Variants in COL4A6 observed in about 807,000 individuals in gnomAD.
COL4A6 encodes collagen alpha-6(IV) chain.
In COL4A6, 59 loss-of-function variants were observed where a neutral mutation model predicts 126.7. The observed-to-expected ratio is 0.47, with a 90% confidence interval of 0.38 to 0.58. The LOEUF (loss-of-function observed/expected upper bound fraction) is 0.58. Among genes scored for constraint, COL4A6 ranks in the 20% least tolerant of loss-of-function variants. COL4A6 has a pLI of 0.00. For missense variants in COL4A6, 1,285 were observed against 1,337.3 expected (o/e 0.96, Z 0.61); for synonymous variants, 547 against 496.6 (o/e 1.10, Z -1.35).
At chrX:108,178,935 C>T (rs1156424983) in intron 26 of COL4A6, 90 bp from the exon 27 acceptor site, 1 of 994,561 alleles carries the variant, frequency 1.0e-6, no homozygotes, top group African/African-American at 1.9e-5. Flanking sequence ...TCCCAGGTGC[C>T]ACTGTCTTCT....
chrX:108,344,898 T>C (rs2039671720), intron 2 of COL4A6, among the ~76,000 whole-genome samples: 1 of 112,171 alleles, frequency 8.9e-6, no homozygotes, highest in African/African-American at 3.2e-5. Context: ...TTCCATTTTA[T>C]ATAGAAATTA....
At chrX:108,257,655 C>T (rs2037041850) in intron 3 of COL4A6, among the ~76,000 whole-genome samples, 1 of 111,026 alleles carries the variant, frequency 9.0e-6, no homozygotes, top group Admixed American at 9.6e-5. Flanking sequence ...GCCCTGTGGT[C>T]GGATAAGTCA....
At chrX:108,378,623 G>A (rs952016764) in intron 2 of COL4A6, among the ~76,000 whole-genome samples, 3 of 112,175 alleles carry the variant, frequency 2.7e-5, no homozygotes, top group Non-Finnish European at 5.6e-5. Flanking sequence ...ATGAAATACG[G>A]GTAGGATTCT....
Position 108,409,621 on chromosome X carries a change from C to T in COL4A6, c.63+28321G>A, listed in dbSNP as rs913313774. Among the ~76,000 whole-genome samples, 25 of 111,579 alleles carry T rather than the reference C, an allele frequency of 2.2e-4. 1 individual carries two copies. Among genetic ancestry groups the T allele is most frequent in the African/African-American group, 7.8e-4 (24 of 30,710 alleles). On this transcript the variant is annotated intron_variant, in intron 2 of 44. Coordinates refer to ENST00000334504, the MANE Select transcript of COL4A6 (RefSeq NM_033641.4). Reference sequence around the variant, plus strand: ...TCAGTCTAACATTACCTGCTGTGCTCCTAACAACTATGGCCAAGAGCAACC... The same window carrying T: ...TCAGTCTAACATTACCTGCTGTGCTTCTAACAACTATGGCCAAGAGCAACC...
Position 108,174,571 on chromosome X carries a change from G to C in COL4A6, c.3007C>G (p.Pro1003Ala), listed in dbSNP as rs769940629. 5.0e-6 allele frequency: 6 copies of C among 1,202,827 alleles called. No homozygotes were observed. The highest frequency in any genetic ancestry group is 6.7e-6 in the Non-Finnish European group (6 of 892,489). ...CCTTTGATAATGCCTGGGAGGCCAG[G>C]AGCTCCAGGTAGGCCTGGTGGTCCA... is the stretch of plus-strand genomic sequence containing the variant. ...RPGPPGLPGA[P>A]GLPGIIKGVS... Residue 1003 changes from proline (P) to alanine (A), a missense_variant, in exon 31 of 45, where the codon CCT becomes GCT. Physicochemically the swap from Pro to Ala is conservative, Grantham distance 27 (BLOSUM62 -1). Coordinates refer to ENST00000334504, the MANE Select transcript of COL4A6 (RefSeq NM_033641.4).
chrX:108,174,406 T>C (rs747094956), intron 31 of COL4A6, 34 bp downstream of exon 31: 11 of 1,198,269 alleles, frequency 9.2e-6, no homozygotes, highest in Middle Eastern at 4.6e-4. Context: ...GGGGGCCTTT[T>C]CTGGTATAAA....
chrX:108,396,683 G>A (rs2040971838), intron 2 of COL4A6, among the ~76,000 whole-genome samples: 1 of 111,500 alleles, frequency 9.0e-6, no homozygotes. Flanking sequence ...CAAAAGTAAC[G>A]CAAGTCATGA....
At chrX:108,367,354 C>T (rs983698666) in intron 2 of COL4A6, among the ~76,000 whole-genome samples, 1 of 111,415 alleles carries the variant, frequency 9.0e-6, no homozygotes, top group African/African-American at 3.3e-5. Context: ...AGTAGGTGCT[C>T]AGTAAATGGT....
chrX:108,420,705 C>T (rs989606094), intron 2 of COL4A6, among the ~76,000 whole-genome samples: 4 of 111,851 alleles, frequency 3.6e-5, no homozygotes. Flanking sequence ...GACAGGGCAG[C>T]CTCAGGGGAC....
intron 3 of COL4A6, among the ~76,000 whole-genome samples, chrX:108,223,788 G>A (rs1602857648): frequency 9.0e-6 from 1 of 111,636 alleles, no homozygotes; most frequent in Non-Finnish European, 1.9e-5. Context: ...CTGGGACAAG[G>A]GAGGCAGATA....
chrX:108,159,612 G>T lies in COL4A6; in HGVS notation c.4662C>A (p.Pro1554=). The change falls in exon 44 of 45, where the codon CCC becomes CCA. Residue 1554 remains proline (P), a synonymous_variant. Transcript: ENST00000334504. ...ACTGGGGAATCTGGGTCTGGCTGAC[G>T]GGCATCATGGGGATAGGGGCGGTAG... ...LSTTAPIPMM[P]VSQTQIPQYI... is the part of the protein sequence containing the mutation. The T allele has an allele frequency of 8.2e-7, 1 of 1,212,290 alleles. No homozygotes were observed. The highest frequency in any genetic ancestry group is 1.1e-6 in the Non-Finnish European group (1 of 895,619).
At chrX:108,294,861 T>TAA (rs1357553225) in intron 3 of COL4A6, among the ~76,000 whole-genome samples, 1 of 111,800 alleles carries the variant, frequency 8.9e-6, no homozygotes, top group African/African-American at 3.3e-5. Context: ...GTGAATATAC[T>TAA]AAAAAGCACT....
chrX:108,351,323 A>G lies in COL4A6; in HGVS notation c.64-40495T>C, dbSNP rs530365845. Among the ~76,000 whole-genome samples, 96 of 111,397 alleles carry G rather than the reference A, an allele frequency of 8.6e-4. 2 individuals are homozygous for G. In the South Asian group the frequency reaches 0.023, roughly 27 times the overall value. Reference sequence around the variant, plus strand: ...TTGTTTCTTCTTTATACTTGTCTGCATTTTCTGATTTGAAAATAAATCATT... The same window carrying G: ...TTGTTTCTTCTTTATACTTGTCTGCGTTTTCTGATTTGAAAATAAATCATT... On this transcript the variant is annotated intron_variant, in intron 2 of 44. Transcript: ENST00000334504.
chrX:108,233,340 C>A, intron 3 of COL4A6, among the ~76,000 whole-genome samples: 1 of 111,720 alleles, frequency 9.0e-6, no homozygotes, highest in East Asian at 2.8e-4. Flanking sequence ...TGGTCCAATA[C>A]TGAGCTGGTG....
At chrX:108,279,064 C>G (rs2037713798) in intron 3 of COL4A6, among the ~76,000 whole-genome samples, 1 of 111,925 alleles carries the variant, frequency 8.9e-6, no homozygotes, top group Non-Finnish European at 1.9e-5. Context: ...ACCATCGAGG[C>G]TAGGAAGAAA....
At position 108,178,851 on chromosome X, in the gene COL4A6, A is replaced by G; in HGVS notation, c.2354-6T>C. On this transcript the variant is annotated splice_region_variant and splice_polypyrimidine_tract_variant and intron_variant, in intron 26 of 44. Transcript: ENST00000334504. ...GCCAGGCTTCCCGTGCACACCTGAT[A>G]AAAGAAAAGGGCAAATGATCACAGC... The G allele has an allele frequency of 8.3e-7, 1 of 1,203,473 alleles. No individual in the cohort carries two copies. The highest frequency in any genetic ancestry group is 3.0e-5 in the East Asian group (1 of 33,698).
At chrX:108,162,621 C>T (rs2033995899) in intron 41 of COL4A6, among the ~76,000 whole-genome samples, 1 of 111,244 alleles carries the variant, frequency 9.0e-6, no homozygotes. Context: ...CACACTCCCT[C>T]CATCTCTCTG....
At chrX:108,435,536 C>T (rs113407040) in intron 2 of COL4A6, among the ~76,000 whole-genome samples, 136 of 111,594 alleles carry the variant, frequency 1.2e-3, no homozygotes, top group African/African-American at 3.9e-3. Context: ...GATAGTTAGG[C>T]GCCTAACAGC....
intron 2 of COL4A6, among the ~76,000 whole-genome samples, chrX:108,372,168 T>C (rs1024028307): frequency 8.1e-5 from 9 of 111,299 alleles, no homozygotes; most frequent in Non-Finnish European, 1.3e-4. Flanking sequence ...CATCAAAGAA[T>C]GGCCCCTCTT....
Sources: allele counts gnomAD v4.1 joint callset (sites outside exome capture counted in the v4.1 genomes callset), GRCh38; gene constraint gnomAD v4.1.1; transcripts MANE v1.5; gene names NCBI Gene and HGNC (gene_info 2026-07-23, HGNC 2026-07-21).